Variants in CHST9 observed in about 807,000 individuals in gnomAD.
CHST9 encodes the protein carbohydrate sulfotransferase 9, also known as GalNAc-4-sulfotransferase 2.
A neutral mutation model predicts 44.4 loss-of-function variants in CHST9; 41 were observed. The observed-to-expected ratio is 0.92, with a 90% CI of 0.72 to 1.20. The LOEUF (loss-of-function observed/expected upper bound fraction) is 1.20, where lower values mean the gene tolerates loss of function less well. CHST9 is among the 50% of genes most tolerant of loss of function. The pLI, the probability that CHST9 is intolerant of heterozygous loss-of-function variation, is 0.00. For synonymous variants in CHST9, 171 were observed against 178.4 expected (o/e 0.96, Z 0.33); for missense variants, 504 against 516.5 (o/e 0.98, Z 0.23).
chr18:27,114,336 C>T (rs936427870), intron 2 of CHST9, among the ~76,000 whole-genome samples: 2 of 152,122 alleles, frequency 1.3e-5, no homozygotes, highest in African/African-American at 4.8e-5. Flanking sequence ...TTTTTAAATT[C>T]CTCTGAGGAT....
At chr18:27,007,210 G>T (rs1022027049) in intron 4 of CHST9, among the ~76,000 whole-genome samples, 1 of 152,144 alleles carries the variant, frequency 6.6e-6, no homozygotes, top group African/African-American at 2.4e-5. Flanking sequence ...TAATAAAATG[G>T]CTGTCTCCTG....
intron 2 of CHST9, among the ~76,000 whole-genome samples, chr18:27,086,470 C>T (rs1298408399): frequency 1.3e-5 from 2 of 152,102 alleles, no homozygotes; most frequent in Non-Finnish European, 2.9e-5. Context: ...TGAGTATTTC[C>T]TTTATATCTG....
intron 1 of CHST9, among the ~76,000 whole-genome samples, chr18:27,164,467 G>T (rs1473545941): frequency 6.6e-6 from 1 of 151,874 alleles, no homozygotes; most frequent in Non-Finnish European, 1.5e-5. Flanking sequence ...CCAGGAAATT[G>T]GATTAATTTA....
intron 2 of CHST9, among the ~76,000 whole-genome samples, chr18:27,061,814 T>C (rs4352124): frequency 0.78 from 118,746 of 151,926 alleles, 46,602 homozygotes; most frequent in African/African-American, 0.83. Context: ...CTGGTGGCCA[T>C]CAAGCAGGTC....
rs141555363 is a variant in CHST9 at position 27,042,982 on chromosome 18, T to C, written c.160+5483A>G. Among the ~76,000 whole-genome samples the C allele has an allele frequency of 3.0e-3, 452 of 152,196 alleles. 2 individuals carry two copies. Among genetic ancestry groups the C allele is most frequent in the African/African-American group, 0.01 (430 of 41,550 alleles). On this transcript the variant is annotated intron_variant, in intron 3 of 5. Transcript: ENST00000618847. The stretch of plus-strand genomic sequence containing the variant: ...AGTAGATATCTCCCTGCAACTCCAA[T>C]AGATGTTTTCAGTGCTTATTTTACT...
At chr18:27,114,214 A>G (rs536400254) in intron 2 of CHST9, among the ~76,000 whole-genome samples, 1 of 152,346 alleles carries the variant, frequency 6.6e-6, no homozygotes, top group African/African-American at 2.4e-5. Flanking sequence ...TGACCCAATT[A>G]TAACGACGGA....
chr18:26,980,140 T>G (rs181048005), intron 4 of CHST9, among the ~76,000 whole-genome samples: 1 of 152,300 alleles, frequency 6.6e-6, no homozygotes, highest in East Asian at 1.9e-4. Flanking sequence ...CTCTACCTGT[T>G]AAGCTTAGGT....
chr18:26,992,442 A>G (rs921799390), intron 4 of CHST9, among the ~76,000 whole-genome samples: 1 of 152,144 alleles, frequency 6.6e-6, no homozygotes, highest in African/African-American at 2.4e-5. Flanking sequence ...GAAGTTTATT[A>G]AATTTGTGAT....
At chr18:27,031,503 T>C (rs573891735) in intron 3 of CHST9, among the ~76,000 whole-genome samples, 12 of 152,220 alleles carry the variant, frequency 7.9e-5, no homozygotes, top group Admixed American at 7.9e-4. Flanking sequence ...CCAAGGTCCT[T>C]AGCACATCAA....
intron 2 of CHST9, among the ~76,000 whole-genome samples, chr18:27,126,874 C>T (rs1189057080): frequency 6.6e-6 from 1 of 152,088 alleles, no homozygotes; most frequent in Admixed American, 6.5e-5. Flanking sequence ...GTGACATAGA[C>T]TGAGGCAGTA....
At chr18:27,047,135 C>A (rs2057511112) in intron 3 of CHST9, among the ~76,000 whole-genome samples, 1 of 151,948 alleles carries the variant, frequency 6.6e-6, no homozygotes, top group Admixed American at 6.6e-5. Context: ...CTTGGTGTCA[C>A]CTTGATCACA....
chr18:26,987,294 C>T (rs901040346), intron 4 of CHST9, among the ~76,000 whole-genome samples: 1 of 152,146 alleles, frequency 6.6e-6, no homozygotes, highest in African/African-American at 2.4e-5. Context: ...TCCTCTTTGA[C>T]CTCTCTGCCA....
intron 2 of CHST9, among the ~76,000 whole-genome samples, chr18:27,113,291 T>C (rs1047094292): frequency 6.6e-6 from 1 of 152,164 alleles, no homozygotes; most frequent in African/African-American, 2.4e-5. Flanking sequence ...GTAGTTTAAA[T>C]AATTCATTTT....
At chr18:27,156,863 G>C (rs1206487013) in intron 1 of CHST9, among the ~76,000 whole-genome samples, 1 of 151,938 alleles carries the variant, frequency 6.6e-6, no homozygotes, top group African/African-American at 2.4e-5. Context: ...ACAAATTATT[G>C]TGACAAATAA....
At position 27,019,689 on chromosome 18, in the gene CHST9, C is replaced by CAAAAAA. The variant is rs60043018; in HGVS notation, c.202+4421_202+4426dup. On this transcript the variant is annotated intron_variant, in intron 4 of 5. Transcript: ENST00000618847. ...AATTGACCACTGTTTCACTACATGG[C>CAAAAAA]AAAAAAAAAAAAAAAAAAAAAAGAG... is the stretch of plus-strand genomic sequence containing the variant. Among the ~76,000 whole-genome samples, 299 of 90,994 alleles carry CAAAAAA rather than the reference C, an allele frequency of 3.3e-3. 2 individuals are homozygous for CAAAAAA. Among genetic ancestry groups the CAAAAAA allele is most frequent in the Non-Finnish European group, 4.6e-3 (218 of 47,000 alleles). The allele number at this position is 90,994 out of a possible 152,430, so 59.7% of individuals were successfully genotyped here.
chr18:27,032,071 G>A (rs937764875), intron 3 of CHST9, among the ~76,000 whole-genome samples: 9 of 152,084 alleles, frequency 5.9e-5, no homozygotes, highest in Admixed American at 5.9e-4. Context: ...AATCTTGGTG[G>A]TCGGGCCATA....
At chr18:27,110,300 T>G (rs2058260079) in intron 2 of CHST9, among the ~76,000 whole-genome samples, 1 of 152,214 alleles carries the variant, frequency 6.6e-6, no homozygotes, top group Non-Finnish European at 1.5e-5. Flanking sequence ...TGATGATTTT[T>G]TTTTTCTATT....
chr18:27,092,293 C>T (rs1327084603), intron 2 of CHST9, among the ~76,000 whole-genome samples: 2 of 152,086 alleles, frequency 1.3e-5, no homozygotes, highest in South Asian at 4.1e-4. Context: ...GGTGATATCC[C>T]CTTTATGATT....
At chr18:27,043,658 T>C (rs908309931) in intron 3 of CHST9, among the ~76,000 whole-genome samples, 2 of 152,080 alleles carry the variant, frequency 1.3e-5, no homozygotes, top group Non-Finnish European at 1.5e-5. Flanking sequence ...ATTAAAATGA[T>C]ATGCTTCCTG....
Sources: allele counts gnomAD v4.1 joint callset (sites outside exome capture counted in the v4.1 genomes callset), GRCh38; gene constraint gnomAD v4.1.1; transcripts MANE v1.5; gene names NCBI Gene and HGNC (gene_info 2026-07-23, HGNC 2026-07-21).